The following HMCN1 variants were observed in gnomAD, a reference collection of about 807,000 sequenced individuals.
The protein encoded by HMCN1 is hemicentin 1, also known as hemicentin-1.
HMCN1 carries 321 observed loss-of-function variants against 625.9 expected under a neutral mutation model. The observed-to-expected ratio is 0.51, with a 90% CI of 0.47 to 0.56. The LOEUF (loss-of-function observed/expected upper bound fraction) is 0.56. Ranked by LOEUF, HMCN1 falls within the 20% of genes least tolerant of loss-of-function variation. The pLI is 0.00. For missense variants in HMCN1, 6,588 were observed against 6,887.3 expected (o/e 0.96, Z 1.54); for synonymous variants, 2,425 against 2,417.6 (o/e 1.00, Z -0.09).
intron 36 of HMCN1, among the ~76,000 whole-genome samples, chr1:186,024,321 T>C (rs1276393446): frequency 1.3e-5 from 2 of 152,172 alleles, no homozygotes; most frequent in Non-Finnish European, 2.9e-5. Flanking sequence ...CTTTATCTCT[T>C]CCTAGTGCTC....
chr1:185,971,705 AC>A (rs1650847671), intron 15 of HMCN1, among the ~76,000 whole-genome samples: 1 of 152,040 alleles, frequency 6.6e-6, no homozygotes, highest in Non-Finnish European at 1.5e-5. Flanking sequence ...TGTCCTCCTA[AC>A]TTGATATTTG....
At chr1:185,771,331 C>T (rs954691203) in intron 1 of HMCN1, among the ~76,000 whole-genome samples, 16 of 152,142 alleles carry the variant, frequency 1.1e-4, no homozygotes, top group African/African-American at 3.9e-4. Flanking sequence ...AGCTGTTAGA[C>T]ACTGGGGCTT....
intron 10 of HMCN1, among the ~76,000 whole-genome samples, chr1:185,932,112 C>T (rs1395641283): frequency 1.3e-5 from 2 of 152,042 alleles, no homozygotes; most frequent in African/African-American, 4.8e-5. Flanking sequence ...ACCTGGGAAC[C>T]CTAGCCAGAC....
intron 1 of HMCN1, among the ~76,000 whole-genome samples, chr1:185,812,784 T>A (rs1037040794): frequency 6.6e-6 from 1 of 150,970 alleles, no homozygotes; most frequent in Non-Finnish European, 1.5e-5. Context: ...GGAATATACA[T>A]ACATATGTTT....
chr1:186,077,609 A>G (rs1349815800), intron 54 of HMCN1, among the ~76,000 whole-genome samples: 1 of 152,168 alleles, frequency 6.6e-6, no homozygotes, highest in Non-Finnish European at 1.5e-5. Context: ...GTCTTTATAT[A>G]ATTATTGCAA....
At chr1:185,948,576 A>G (rs1337846187) in intron 11 of HMCN1, among the ~76,000 whole-genome samples, 1 of 151,400 alleles carries the variant, frequency 6.6e-6, no homozygotes, top group Non-Finnish European at 1.5e-5. Context: ...AGGACCGGCC[A>G]TTTACACTTC....
intron 98 of HMCN1, among the ~76,000 whole-genome samples, chr1:186,165,904 A>T (rs967364650): frequency 6.6e-6 from 1 of 152,262 alleles, no homozygotes; most frequent in African/African-American, 2.4e-5. Flanking sequence ...GAGTTAAAGC[A>T]GGTAAAAGGC....
At chr1:186,088,083 C>T in intron 61 of HMCN1, 62 bp from the exon 62 acceptor site, 1 of 1,609,066 alleles carries the variant, frequency 6.2e-7, no homozygotes. Flanking sequence ...TCCAAATTAG[C>T]TTAATGAGGA....
chr1:185,872,895 T>C (rs1322883472), intron 4 of HMCN1, among the ~76,000 whole-genome samples: 2 of 152,166 alleles, frequency 1.3e-5, no homozygotes, highest in Non-Finnish European at 2.9e-5. Context: ...AAGACAATCA[T>C]GGCATCTGAT....
intron 81 of HMCN1, among the ~76,000 whole-genome samples, chr1:186,123,737 T>A (rs1016682559): frequency 3.3e-5 from 5 of 152,158 alleles, no homozygotes; most frequent in Non-Finnish European, 7.4e-5. Context: ...CATTGAAATA[T>A]TTTTAGTTTT....
chr1:186,146,246 T>A (rs1473625412), intron 93 of HMCN1, among the ~76,000 whole-genome samples: 1 of 152,064 alleles, frequency 6.6e-6, no homozygotes, highest in African/African-American at 2.4e-5. Context: ...TAAAGAAAGC[T>A]ACAATTGGAG....
At chr1:185,975,181 C>T (rs936015276) in intron 15 of HMCN1, among the ~76,000 whole-genome samples, 9 of 152,112 alleles carry the variant, frequency 5.9e-5, no homozygotes, top group South Asian at 2.1e-4. Flanking sequence ...AAATGATTTC[C>T]GTTTATCCAG....
At chr1:186,112,052 A>C (rs1298062018) in intron 71 of HMCN1, among the ~76,000 whole-genome samples, 1 of 152,218 alleles carries the variant, frequency 6.6e-6, no homozygotes, top group Admixed American at 6.5e-5. Context: ...TCCTTAAATT[A>C]CTTGTTTATA....
At chr1:185,996,072 T>C (rs12074224) in intron 24 of HMCN1, among the ~76,000 whole-genome samples, 6,328 of 152,204 alleles carry the variant, frequency 0.042, 455 homozygotes, top group African/African-American at 0.14. Flanking sequence ...TTATTACATA[T>C]TCATGTTTAT....
In HMCN1 at chr1:185,909,513, G is replaced by T; in HGVS notation, c.793+5G>T. 5.0e-6 allele frequency: 8 copies of T among 1,609,802 alleles called. No homozygotes were observed. The highest frequency in any genetic ancestry group is 6.8e-6 in the Non-Finnish European group (8 of 1,176,400). The stretch of plus-strand genomic sequence containing the variant: ...TTGAAATTCGCAATCCTTTAGGTGA[G>T]ATATATCAAACATCACATAATAAAA... On this transcript the variant is annotated splice_donor_5th_base_variant and intron_variant, in intron 5 of 106. Transcript: ENST00000271588.
chr1:185,894,472 T>C (rs1177772155), intron 4 of HMCN1, among the ~76,000 whole-genome samples: 1 of 152,244 alleles, frequency 6.6e-6, no homozygotes, highest in Non-Finnish European at 1.5e-5. Flanking sequence ...GACATTTCAT[T>C]TGTTATACAA....
intron 86 of HMCN1, among the ~76,000 whole-genome samples, chr1:186,132,799 A>AC (rs534890800): frequency 6.7e-6 from 1 of 148,160 alleles, no homozygotes; most frequent in East Asian, 2.0e-4. Context: ...ACCTCCCCCC[A>AC]CCCCCCACAA....
chr1:185,893,229 G>A (rs1188170229), intron 4 of HMCN1, among the ~76,000 whole-genome samples: 2 of 152,194 alleles, frequency 1.3e-5, no homozygotes, highest in Non-Finnish European at 2.9e-5. Flanking sequence ...CTAGTGAGAT[G>A]AACCCGGTAC....
intron 68 of HMCN1, among the ~76,000 whole-genome samples, chr1:186,100,531 T>C (rs1571352107): frequency 6.6e-6 from 1 of 152,132 alleles, no homozygotes; most frequent in East Asian, 1.9e-4. Flanking sequence ...TTTGACCACA[T>C]TAAGAAGTCT....
Sources: gnomAD v4.1 joint callset for allele counts (sites outside exome capture counted in the v4.1 genomes callset) on GRCh38, gnomAD v4.1.1 for gene constraint, MANE v1.5 for transcripts, NCBI Gene and HGNC (gene_info 2026-07-23, HGNC 2026-07-21) for gene names.